MOXD1: variants seen among roughly 807,000 people sequenced by gnomAD.
The protein encoded by MOXD1 is monooxygenase DBH like 1, also known as DBH-like monooxygenase protein 1.
In MOXD1, 62 loss-of-function variants were observed where a neutral mutation model predicts 66.6. That is an observed-to-expected ratio of 0.93 (90% confidence interval 0.76 to 1.15). The LOEUF is 1.15. Among genes scored for constraint, MOXD1 ranks in the 50% most tolerant of loss-of-function variants. The probability of loss-of-function intolerance (pLI) is 0.00; values close to 1 mark genes in which losing one functional copy is unlikely to be tolerated. For missense variants in MOXD1, 847 were observed against 754.6 expected (o/e 1.12, Z -1.44); for synonymous variants, 303 against 281.9 (o/e 1.07, Z -0.75).
At chr6:132,311,731 A>AGG (rs59200356) in intron 10 of MOXD1, among the ~76,000 whole-genome samples, 65,445 of 151,580 alleles carry the variant, frequency 0.43, 15,618 homozygotes, top group African/African-American at 0.64. Context: ...TAATCTTGTA[A>AGG]CAGTATTTAA....
Position 132,315,725 on chromosome 6 carries a change from G to T in MOXD1, c.1418C>A (p.Pro473Gln). 1 of 1,613,290 alleles carries T rather than the reference G, an allele frequency of 6.2e-7. No homozygotes were observed. The highest frequency in any genetic ancestry group is 2.2e-5 in the East Asian group (1 of 44,838). ...EMCLSYLLYYPRINLTRCASI... is the reference protein window; with the variant it reads ...EMCLSYLLYYQRINLTRCASI... The stretch of plus-strand genomic sequence containing the variant: ...TGCACATCGAGTAAGATTAATTCTT[G>T]GGTAATAAAGAAGGTATGAGAGACA... The change falls in exon 10 of 12, where the codon CCA (proline) becomes CAA (glutamine). Residue 473 changes from proline to glutamine, a missense_variant. Transcript: ENST00000367963.
intron 4 of MOXD1, 34 bp from the exon 5 acceptor site, chr6:132,328,628 AAAT>A: frequency 1.9e-6 from 3 of 1,592,072 alleles, no homozygotes; most frequent in Non-Finnish European, 2.6e-6. Flanking sequence ...AGGACACAAT[AAAT>A]AAGACCACCC....
intron 7 of MOXD1, 117 bp from the exon 8 acceptor site, chr6:132,322,987 A>G (rs1775110658): frequency 3.5e-6 from 3 of 860,220 alleles, no homozygotes. Flanking sequence ...ATTTAAATGA[A>G]TGCTTGAACT....
At chr6:132,313,808 G>T (rs1024933746) in intron 10 of MOXD1, among the ~76,000 whole-genome samples, 2 of 152,082 alleles carry the variant, frequency 1.3e-5, no homozygotes, top group Non-Finnish European at 2.9e-5. Flanking sequence ...CCAGCTACTT[G>T]GGAGGCTGAG....
At chr6:132,311,135 A>T (rs975174022) in intron 10 of MOXD1, among the ~76,000 whole-genome samples, 1 of 152,156 alleles carries the variant, frequency 6.6e-6, no homozygotes, top group East Asian at 1.9e-4. Flanking sequence ...AAGAAATATG[A>T]CCCTAAAATA....
At chr6:132,361,674 G>T (rs1162721600) in intron 4 of MOXD1, among the ~76,000 whole-genome samples, 1 of 152,032 alleles carries the variant, frequency 6.6e-6, no homozygotes, top group African/African-American at 2.4e-5. Flanking sequence ...CATCACAAAA[G>T]CCTGGACTCC....
intron 2 of MOXD1, among the ~76,000 whole-genome samples, chr6:132,374,173 A>G (rs6937164): frequency 0.44 from 67,405 of 152,092 alleles, 20,443 homozygotes; most frequent in African/African-American, 0.85. Flanking sequence ...CATTTAATAT[A>G]CCAATAGGCA....
chr6:132,399,546 G>A (rs899652412), intron 1 of MOXD1, among the ~76,000 whole-genome samples: 2 of 152,132 alleles, frequency 1.3e-5, no homozygotes, highest in African/African-American at 4.8e-5. Context: ...TTTGTGGTGG[G>A]CCTATTATGG....
At chr6:132,389,498 T>C (rs1045179641) in intron 1 of MOXD1, among the ~76,000 whole-genome samples, 5 of 151,394 alleles carry the variant, frequency 3.3e-5, no homozygotes, top group African/African-American at 4.8e-5. Context: ...TTGGCCCACA[T>C]TGGAATCAAT....
chr6:132,366,466 G>T (rs550603243), intron 4 of MOXD1, among the ~76,000 whole-genome samples: 72 of 152,038 alleles, frequency 4.7e-4, no homozygotes, highest in African/African-American at 1.7e-3. Context: ...GCAAATGCAG[G>T]CTGACAACAA....
rs1306952710 is a variant in MOXD1 at position 132,296,428 on chromosome 6, A to C, written c.*725T>G. 1 of 152,174 alleles carries C rather than the reference A, an allele frequency of 6.6e-6. No individual in the cohort carries two copies. Among genetic ancestry groups the C allele is most frequent in the South Asian group, 2.1e-4 (1 of 4,834 alleles). The allele number at this position is 152,174 out of a possible 1,614,324, so 9.4% of individuals were successfully genotyped here. On this transcript the variant is annotated 3_prime_UTR_variant, in exon 12 of 12. Transcript: ENST00000367963. ...TCAGCCTATGATCAGTTATTAATAC[A>C]TACCATTTCTATGTTTCCCATAGCC...
In MOXD1 at chr6:132,374,693, G is replaced by T; in HGVS notation, c.349C>A (p.His117Asn). ...HLEYAMENST[H>N]TIIEFTRELH... ...TCTCTGGTAAATTCAATTATTGTGTGTGTGCTATTTTCCATGGCATATTCT... is the reference window on the plus strand; with the variant it reads ...TCTCTGGTAAATTCAATTATTGTGTTTGTGCTATTTTCCATGGCATATTCT... Residue 117 changes from histidine (H) to asparagine (N), a missense_variant, in exon 2 of 12, where the codon CAC (histidine) becomes AAC (asparagine). His to Asn is a moderately conservative substitution (Grantham distance 68). Coordinates refer to ENST00000367963, the MANE Select transcript of MOXD1 (RefSeq NM_015529.4). The T allele has an allele frequency of 6.2e-7, 1 of 1,613,890 alleles. No individual in the cohort carries two copies. Among genetic ancestry groups the T allele is most frequent in the East Asian group, 2.2e-5 (1 of 44,848 alleles).
At chr6:132,336,179 G>A (rs1400521860) in intron 4 of MOXD1, among the ~76,000 whole-genome samples, 1 of 152,154 alleles carries the variant, frequency 6.6e-6, no homozygotes, top group Non-Finnish European at 1.5e-5. Context: ...GGAGAGAGGC[G>A]ATGGGTGTAA....
chr6:132,370,572 A>G (rs1316764222), intron 4 of MOXD1, among the ~76,000 whole-genome samples: 1 of 151,958 alleles, frequency 6.6e-6, no homozygotes, highest in African/African-American at 2.4e-5. Context: ...TTCTCACATA[A>G]TAATAGGATT....
intron 10 of MOXD1, among the ~76,000 whole-genome samples, chr6:132,307,133 G>T (rs1352007700): frequency 1.3e-5 from 2 of 152,104 alleles, no homozygotes; most frequent in Non-Finnish European, 2.9e-5. Flanking sequence ...CATCTCACGT[G>T]CAGAGACACA....
intron 1 of MOXD1, 123 bp downstream of exon 1, chr6:132,401,040 G>T (rs893295943): frequency 1.6e-6 from 2 of 1,228,834 alleles, no homozygotes; most frequent in South Asian, 1.8e-5. Context: ...GTGGCCGGGG[G>T]CGCGGGGCTG....
rs1246688387 is a variant in MOXD1, at chr6:132,401,236, A to G, written c.191T>C (p.Phe64Ser). ...GGACGCCATGGCCCCGGTGGGCGAG[A>G]AGCCGAAGCCCACGTAGCCTGCAGT... ...VRTAGYVGFG[F>S]SPTGAMASAD... Residue 64 changes from phenylalanine to serine, a missense_variant, in exon 1 of 12, where the codon TTC becomes TCC. Phe to Ser is a radical substitution (Grantham distance 155). Coordinates refer to ENST00000367963, the MANE Select transcript of MOXD1 (RefSeq NM_015529.4). 3 of 1,587,066 alleles carry G rather than the reference A, an allele frequency of 1.9e-6. No homozygotes were observed. Among genetic ancestry groups the G allele is most frequent in the African/African-American group, 2.7e-5 (2 of 73,956 alleles).
intron 6 of MOXD1, among the ~76,000 whole-genome samples, chr6:132,324,449 ATAACT>A (rs1313779764): frequency 1.3e-5 from 2 of 152,228 alleles, no homozygotes; most frequent in African/African-American, 2.4e-5. Context: ...TATAGAATAA[ATAACT>A]TAATAAAACT....
At chr6:132,336,783 G>C (rs965703580) in intron 4 of MOXD1, among the ~76,000 whole-genome samples, 1 of 152,074 alleles carries the variant, frequency 6.6e-6, no homozygotes, top group Non-Finnish European at 1.5e-5. Context: ...GGGCGAGGAG[G>C]CTTCTGGGAA....
Sources: gnomAD v4.1 joint callset for allele counts (sites outside exome capture counted in the v4.1 genomes callset) on GRCh38, gnomAD v4.1.1 for gene constraint, MANE v1.5 for transcripts, NCBI Gene and HGNC (gene_info 2026-07-23, HGNC 2026-07-21) for gene names.